The following NSD3 variants were observed in gnomAD, a reference collection of about 807,000 sequenced individuals.
The protein encoded by NSD3 is nuclear receptor binding SET domain protein 3.
A neutral mutation model predicts 160.8 loss-of-function variants in NSD3; 24 were observed. That is an observed-to-expected ratio of 0.15 (90% CI 0.11 to 0.21). The LOEUF (loss-of-function observed/expected upper bound fraction) is 0.21. Ranked by LOEUF, NSD3 falls within the 10% of genes least tolerant of loss-of-function variation. NSD3 has a pLI of 1.00. For synonymous variants in NSD3, 520 were observed against 600.0 expected (o/e 0.87, Z 1.95); for missense variants, 1,157 against 1,735.9 (o/e 0.67, Z 5.93).
At chr8:38,336,994 T>G (rs1810233062) in intron 4 of NSD3, among the ~76,000 whole-genome samples, 1 of 151,902 alleles carries the variant, frequency 6.6e-6, no homozygotes, top group African/African-American at 2.4e-5. Context: ...ATACAAAAAC[T>G]AACCAGGAAT....
chr8:38,287,176 C>A lies in NSD3; in HGVS notation c.3501+1311G>T, dbSNP rs139236443. Among the ~76,000 whole-genome samples the A allele has an allele frequency of 1.4e-4, 22 of 152,134 alleles. No individual in the cohort carries two copies. The East Asian group carries it at 4.1e-3, about 28-fold the overall frequency. ...GAAATAGATGCACAAAGGTGGATGA[C>A]CAAGAACATTCATTATGGAATTTAA... On this transcript the variant is annotated intron_variant, in intron 19 of 23. Coordinates refer to ENST00000317025, the MANE Select transcript of NSD3 (RefSeq NM_023034.2).
At chr8:38,289,897 G>A (rs1012427241) in intron 17 of NSD3, among the ~76,000 whole-genome samples, 4 of 152,114 alleles carry the variant, frequency 2.6e-5, no homozygotes, top group Non-Finnish European at 5.9e-5. Flanking sequence ...CTCTTCTGTT[G>A]CAAAGGAACT....
chr8:38,375,389 A>C (rs1281653467), intron 1 of NSD3, among the ~76,000 whole-genome samples: 1 of 152,224 alleles, frequency 6.6e-6, no homozygotes, highest in East Asian at 1.9e-4. Context: ...TCTTATCAAA[A>C]AAGTTGTGCT....
intron 6 of NSD3, 110 bp from the exon 7 acceptor site, chr8:38,326,966 ATGG>A (rs1459387185): frequency 1.7e-5 from 20 of 1,160,772 alleles, no homozygotes; most frequent in Admixed American, 1.2e-4. Context: ...TAAATTTTAT[ATGG>A]TCTTTGATTG....
In NSD3 at chr8:38,329,044, C is replaced by T. The variant is rs1226439085; in HGVS notation, c.1581+334G>A. ...ACAAAAATGATTTTAATAAGAAGTA[C>T]ACTTTGCAACTAAGAAAAGCTAACT... On this transcript the variant is annotated intron_variant, in intron 6 of 23. Coordinates refer to ENST00000317025, the MANE Select transcript of NSD3 (RefSeq NM_023034.2). The surrounding 1 kb of genome is among the most constrained non-coding windows in gnomAD (Gnocchi z 4.8). Among the ~76,000 whole-genome samples, 1 of 152,136 alleles carries T rather than the reference C, an allele frequency of 6.6e-6. No homozygotes were observed.
rs1808565663 is a variant in NSD3 at position 38,275,029 on chromosome 8, T to C, written c.*612A>G. 1 of 226,536 alleles carries C rather than the reference T, an allele frequency of 4.4e-6. No individual in the cohort carries two copies. The highest frequency in any genetic ancestry group is 8.8e-6 in the Non-Finnish European group (1 of 113,940). The allele number at this position is 226,536 out of a possible 1,614,324, so 14.0% of individuals were successfully genotyped here. ...GGTAAAATCCACCGAGGCATTGTTTTCAAGAGGCCAGATTTAATACTTCCA... is the reference window on the plus strand; with the variant it reads ...GGTAAAATCCACCGAGGCATTGTTTCCAAGAGGCCAGATTTAATACTTCCA... On this transcript the variant is annotated 3_prime_UTR_variant, in exon 24 of 24. Transcript: ENST00000317025.
At chr8:38,369,656 T>A (rs1039463839) in intron 1 of NSD3, among the ~76,000 whole-genome samples, 1 of 152,174 alleles carries the variant, frequency 6.6e-6, no homozygotes, top group Non-Finnish European at 1.5e-5. Context: ...TCCCTGTAAC[T>A]CCAAGAATAA....
chr8:38,380,591 C>T (rs911036436), intron 1 of NSD3: 8 of 152,194 alleles, frequency 5.3e-5, no homozygotes, highest in African/African-American at 1.9e-4. Flanking sequence ...TAAATTTACA[C>T]TGCAGCTCAT....
chr8:38,350,840 T>A (rs1000048988), intron 1 of NSD3, among the ~76,000 whole-genome samples: 1 of 152,134 alleles, frequency 6.6e-6, no homozygotes, highest in Non-Finnish European at 1.5e-5. Flanking sequence ...TATAGATAAG[T>A]ATCTGTTAGA....
chr8:38,372,842 GC>G (rs1391271797), intron 1 of NSD3, among the ~76,000 whole-genome samples: 1 of 149,666 alleles, frequency 6.7e-6, no homozygotes, highest in Admixed American at 6.6e-5. Flanking sequence ...CACCAGCCGG[GC>G]GCGGCGGTTC....
rs1005684582 is a variant in NSD3 at position 38,275,666 on chromosome 8, T to C, written c.4289A>G (p.Asp1430Gly). ...TTATTCTTTTACTTCTTCTCCATGA[T>C]CTTGTGATTCCCATTTACATTTTAT... ...SKIKCKWESQ[D>G]HGEEVKE Residue 1430 changes from aspartate (D) to glycine (G), a missense_variant, in exon 24 of 24, where the codon GAT (aspartate) becomes GGT (glycine). Physicochemically the swap from Asp to Gly is moderately conservative, Grantham distance 94 (BLOSUM62 -1). Coordinates refer to ENST00000317025, the MANE Select transcript of NSD3 (RefSeq NM_023034.2). The C allele has an allele frequency of 7.4e-6, 12 of 1,614,154 alleles. No homozygotes were observed. In the African/African-American group the frequency reaches 1.6e-4, roughly 22 times the overall value.
At chr8:38,360,612 C>T (rs1334796822) in intron 1 of NSD3, among the ~76,000 whole-genome samples, 1 of 152,144 alleles carries the variant, frequency 6.6e-6, no homozygotes, top group Non-Finnish European at 1.5e-5. Flanking sequence ...GGGCTTACAG[C>T]ATTTTAGTAT....
chr8:38,296,043 T>C, intron 15 of NSD3, 91 bp from the exon 16 acceptor site: 1 of 1,335,398 alleles, frequency 7.5e-7, no homozygotes, highest in Non-Finnish European at 1.0e-6. Context: ...GCACATTAAA[T>C]TTGTTTCAAA....
At chr8:38,378,846 T>C (rs200187657) in intron 1 of NSD3, among the ~76,000 whole-genome samples, 84 of 143,088 alleles carry the variant, frequency 5.9e-4, no homozygotes, top group South Asian at 2.6e-3. Flanking sequence ...AAAAAAAAAG[T>C]ACTAACTTCA....
rs759277341 is a variant in NSD3 at position 38,316,966 on chromosome 8, A to G, written c.1856-924T>C. 29 of 1,060,920 alleles carry G rather than the reference A, an allele frequency of 2.7e-5. No homozygotes were observed. The highest frequency in any genetic ancestry group is 2.9e-5 in the Non-Finnish European group (25 of 876,390). 65.7% of individuals were successfully genotyped at this position (1,060,920 alleles called of 1,614,324 possible). On this transcript the variant is annotated intron_variant, in intron 9 of 23. Transcript: ENST00000317025. The surrounding 1 kb of genome is among the most constrained non-coding windows in gnomAD (Gnocchi z 4.5). ...CACGGTGAATACCAAGGAACCAAGG[A>G]GACGGTTAATATTTCAACCCACAGT...
intron 16 of NSD3, among the ~76,000 whole-genome samples, chr8:38,291,820 GAAGCAACACAT>G (rs1809002858): frequency 6.6e-6 from 1 of 152,124 alleles, no homozygotes; most frequent in African/African-American, 2.4e-5. Context: ...TTTCCCCCAA[GAAGCAACACAT>G]TGGAATAACT....
chr8:38,294,389 C>T (rs981384556), intron 16 of NSD3, among the ~76,000 whole-genome samples: 6 of 152,188 alleles, frequency 3.9e-5, no homozygotes, highest in Non-Finnish European at 8.8e-5. Flanking sequence ...AACCACTGTA[C>T]CTGGCCAAGT....
At chr8:38,344,075 T>C (rs73674150) in intron 2 of NSD3, among the ~76,000 whole-genome samples, 4,909 of 152,298 alleles carry the variant, frequency 0.032, 265 homozygotes, top group African/African-American at 0.11. Flanking sequence ...TTTTAAAATA[T>C]ACAATTTCAG....
In NSD3 at chr8:38,304,631, T is replaced by C. The variant is rs1217505756; in HGVS notation, c.2567A>G (p.Asn856Ser). ...ICSNHSKRSS[N>S]SSAVNVGFCF... The stretch of plus-strand genomic sequence containing the variant: ...AAAGCCTACATTTACAGCAGAAGAA[T>C]TACTGCTCCGTTTGGAATGATTACT... The change falls in exon 14 of 24, where the codon AAT becomes AGT. Residue 856 changes from asparagine (N) to serine (S), a missense_variant. Around this residue, in one of 10 missense-constraint regions of NSD3, gnomAD observed 437 missense variants for 576.6 expected, o/e 0.76. Coordinates refer to ENST00000317025, the MANE Select transcript of NSD3 (RefSeq NM_023034.2). The C allele has an allele frequency of 1.1e-5, 18 of 1,613,640 alleles. No homozygotes were observed. The highest frequency in any genetic ancestry group is 1.5e-5 in the Non-Finnish European group (18 of 1,179,826).
Sources: allele counts gnomAD v4.1 joint callset (sites outside exome capture counted in the v4.1 genomes callset), GRCh38; gene constraint gnomAD v4.1.1; regional missense constraint gnomAD v4.1.1; non-coding constraint Gnocchi (gnomAD v3.1); transcripts MANE v1.5; gene names NCBI Gene and HGNC (gene_info 2026-07-23, HGNC 2026-07-21).